Variants in DPYD observed in about 807,000 individuals in gnomAD.
DPYD encodes the protein dihydropyrimidine dehydrogenase [NADP(+)].
DPYD carries 109 observed loss-of-function variants against 116.2 expected under a neutral mutation model. That is an observed-to-expected ratio of 0.94 (90% confidence interval 0.80 to 1.10). The LOEUF (loss-of-function observed/expected upper bound fraction) is 1.10, where lower values mean the gene tolerates loss of function less well. Among genes scored for constraint, DPYD ranks in the 50% least tolerant of loss-of-function variants. DPYD has a pLI of 0.00. For missense variants in DPYD, 1,302 were observed against 1,254.5 expected (o/e 1.04, Z -0.57); for synonymous variants, 440 against 432.0 (o/e 1.02, Z -0.23).
intron 16 of DPYD, among the ~76,000 whole-genome samples, chr1:97,370,947 T>C: frequency 6.6e-6 from 1 of 152,166 alleles, no homozygotes; most frequent in Non-Finnish European, 1.5e-5. Flanking sequence ...GAGATTCTGT[T>C]TCCATAAATT....
At chr1:97,897,125 C>T (rs1673114190) in intron 1 of DPYD, among the ~76,000 whole-genome samples, 2 of 151,772 alleles carry the variant, frequency 1.3e-5, no homozygotes, top group African/African-American at 4.8e-5. Context: ...CTTTTGTATG[C>T]CTGAAAAAGT....
At chr1:97,229,006 G>A (rs979546846) in intron 19 of DPYD, among the ~76,000 whole-genome samples, 3 of 151,846 alleles carry the variant, frequency 2.0e-5, no homozygotes, top group Non-Finnish European at 2.9e-5. Flanking sequence ...GACCATCCTG[G>A]CTAACATAGT....
intron 18 of DPYD, among the ~76,000 whole-genome samples, chr1:97,295,008 T>G (rs1666435743): frequency 6.6e-6 from 1 of 152,186 alleles, no homozygotes; most frequent in Non-Finnish European, 1.5e-5. Context: ...TATACTATAT[T>G]TAGACAGATA....
At chr1:97,815,691 G>A (rs948842210) in intron 3 of DPYD, among the ~76,000 whole-genome samples, 1 of 152,202 alleles carries the variant, frequency 6.6e-6, no homozygotes, top group Admixed American at 6.5e-5. Context: ...CTTTGAGGGT[G>A]AGGAGCAAAA....
chr1:97,232,938 T>A (rs1222460403), intron 19 of DPYD, among the ~76,000 whole-genome samples: 1 of 152,176 alleles, frequency 6.6e-6, no homozygotes, highest in Admixed American at 6.5e-5. Flanking sequence ...CCTGAGGTTT[T>A]CCTGGGTCTT....
At chr1:97,467,683 T>C (rs1677410437) in intron 13 of DPYD, among the ~76,000 whole-genome samples, 1 of 152,190 alleles carries the variant, frequency 6.6e-6, no homozygotes, top group Non-Finnish European at 1.5e-5. Context: ...TGTATTTACG[T>C]AGGTCAATGG....
chr1:97,775,996 T>TACA (rs1666386067), intron 3 of DPYD, among the ~76,000 whole-genome samples: 1 of 152,160 alleles, frequency 6.6e-6, no homozygotes. Context: ...ATGTATAGGC[T>TACA]ACATGTGATG....
intron 8 of DPYD, among the ~76,000 whole-genome samples, chr1:97,662,817 T>C (rs1368133621): frequency 1.3e-5 from 2 of 152,106 alleles, no homozygotes; most frequent in African/African-American, 4.8e-5. Context: ...CATGTTGAAA[T>C]AATATTCTTA....
intron 13 of DPYD, among the ~76,000 whole-genome samples, chr1:97,474,317 T>C (rs975508141): frequency 2.6e-5 from 4 of 151,864 alleles, no homozygotes; most frequent in Non-Finnish European, 5.9e-5. Context: ...AATGCCAATA[T>C]AGCCCATTAT....
chr1:97,098,199 A>G (rs1345324637), intron 21 of DPYD, among the ~76,000 whole-genome samples: 14 of 152,288 alleles, frequency 9.2e-5, no homozygotes, highest in African/African-American at 1.4e-4. Context: ...TTAAGTGACT[A>G]TAAGAAAACT....
chr1:97,822,047 G>A (rs1668967476), intron 3 of DPYD, among the ~76,000 whole-genome samples: 1 of 151,230 alleles, frequency 6.6e-6, no homozygotes, highest in African/African-American at 2.4e-5. Context: ...TTCCTTCACT[G>A]TTTTTCTAAT....
chr1:97,451,479 G>A (rs1175899445), intron 13 of DPYD, among the ~76,000 whole-genome samples: 1 of 152,064 alleles, frequency 6.6e-6, no homozygotes, highest in East Asian at 1.9e-4. Context: ...CCTTAAATAT[G>A]TACATTTTAA....
intron 14 of DPYD, among the ~76,000 whole-genome samples, chr1:97,431,358 A>G (rs1675168112): frequency 6.6e-6 from 1 of 152,304 alleles, no homozygotes; most frequent in South Asian, 2.1e-4. Flanking sequence ...GGAGTCTGGC[A>G]TAGGGGCCTG....
In DPYD at chr1:97,130,923, T is replaced by TTCTC. The variant is rs962026378; in HGVS notation, c.2623-32295_2623-32292dup. Among the ~76,000 whole-genome samples the TTCTC allele has an allele frequency of 3.3e-3, 437 of 132,532 alleles. 3 individuals are homozygous for TTCTC. Among genetic ancestry groups the TTCTC allele is most frequent in the African/African-American group, 0.011 (400 of 35,674 alleles). 86.9% of individuals were successfully genotyped at this position (132,532 alleles called of 152,430 possible). On this transcript the variant is annotated intron_variant, in intron 20 of 22. Transcript: ENST00000370192. ...CCTCCCTCACTCCCTCCCTCCCTCTTTCTCTCTCTCTATCTATCTATCTAT... is the reference window on the plus strand; with the variant it reads ...CCTCCCTCACTCCCTCCCTCCCTCTTTCTCTCTCTCTCTCTATCTATCTATCTAT...
At chr1:97,534,242 C>T (rs1348028838) in intron 12 of DPYD, among the ~76,000 whole-genome samples, 1 of 152,110 alleles carries the variant, frequency 6.6e-6, no homozygotes, top group African/African-American at 2.4e-5. Context: ...GTCTGGTATA[C>T]AGTGACTGTT....
At chr1:97,342,174 G>A (rs1433888984) in intron 16 of DPYD, among the ~76,000 whole-genome samples, 1 of 152,108 alleles carries the variant, frequency 6.6e-6, no homozygotes, top group East Asian at 1.9e-4. Context: ...GTGAAAAATT[G>A]TCATATAAAA....
At chr1:97,353,203 A>G (rs527906811) in intron 16 of DPYD, among the ~76,000 whole-genome samples, 5 of 152,330 alleles carry the variant, frequency 3.3e-5, no homozygotes, top group African/African-American at 1.2e-4. Flanking sequence ...CTCACAGAGC[A>G]GTGCATAATT....
At chr1:97,400,779 T>C (rs992521519) in intron 14 of DPYD, among the ~76,000 whole-genome samples, 4 of 152,310 alleles carry the variant, frequency 2.6e-5, no homozygotes, top group East Asian at 1.9e-4. Flanking sequence ...TGTATTTCTG[T>C]GGGATGGGTG....
rs201199707 is a variant in DPYD at position 97,524,029 on chromosome 1, A to T, written c.1525-8088T>A. On this transcript the variant is annotated intron_variant, in intron 12 of 22. Transcript: ENST00000370192. ...AATAATTATTTTAAACTAAAAAAAA[A>T]AAGTCTAGTAAGCCTCTTGACAGAA... is the stretch of plus-strand genomic sequence containing the variant. Among the ~76,000 whole-genome samples, 6 of 151,674 alleles carry T rather than the reference A, an allele frequency of 4.0e-5. 1 individual carries two copies. In the East Asian group the frequency reaches 5.8e-4, roughly 15 times the overall value.
Sources: gnomAD v4.1 joint callset for allele counts (sites outside exome capture counted in the v4.1 genomes callset) on GRCh38, gnomAD v4.1.1 for gene constraint, MANE v1.5 for transcripts, NCBI Gene and HGNC (gene_info 2026-07-23, HGNC 2026-07-21) for gene names.